The following ROBO1 variants were observed in gnomAD, a reference collection of about 807,000 sequenced individuals.
ROBO1 encodes roundabout guidance receptor 1, also known as roundabout homolog 1.
ROBO1 carries 149 observed loss-of-function variants against 195.9 expected under a neutral mutation model. The ratio of observed to expected loss-of-function variants is 0.76; its 90% CI spans 0.67 to 0.87. ROBO1 has a LOEUF of 0.87. ROBO1 is among the 40% of genes least tolerant of loss of function. The probability of loss-of-function intolerance (pLI) is 0.00; values close to 1 mark genes in which losing one functional copy is unlikely to be tolerated. For synonymous variants in ROBO1, 816 were observed against 733.2 expected (o/e 1.11, Z -1.82); for missense variants, 1,933 against 2,068.3 (o/e 0.93, Z 1.27).
chr3:79,076,584 G>C (rs939796352), intron 3 of ROBO1, among the ~76,000 whole-genome samples: 5 of 151,400 alleles, frequency 3.3e-5, no homozygotes, highest in Admixed American at 1.3e-4. Flanking sequence ...ATTTTTCAGG[G>C]GATTTATTGA....
intron 2 of ROBO1, among the ~76,000 whole-genome samples, chr3:79,173,631 C>T (rs1376327464): frequency 2.0e-5 from 3 of 152,084 alleles, no homozygotes; most frequent in Non-Finnish European, 2.9e-5. Context: ...CGGCTCAGCC[C>T]GAGCCTCCCG....
At chr3:78,727,090 T>G (rs1233518125) in intron 5 of ROBO1, among the ~76,000 whole-genome samples, 2 of 152,172 alleles carry the variant, frequency 1.3e-5, no homozygotes, top group Non-Finnish European at 2.9e-5. Flanking sequence ...AAAATAATCA[T>G]GCTTTATTGC....
chr3:79,044,704 T>C (rs2078556278), intron 3 of ROBO1, among the ~76,000 whole-genome samples: 1 of 152,088 alleles, frequency 6.6e-6, no homozygotes, highest in Non-Finnish European at 1.5e-5. Context: ...AGTCAGCTTT[T>C]TTTAAAAAAA....
intron 2 of ROBO1, among the ~76,000 whole-genome samples, chr3:79,427,270 G>A (rs1431006362): frequency 6.6e-6 from 1 of 152,150 alleles, no homozygotes; most frequent in African/African-American, 2.4e-5. Context: ...ATTTTTTCAA[G>A]TACTTGGATG....
chr3:79,288,555 T>G (rs1038604538), intron 2 of ROBO1, among the ~76,000 whole-genome samples: 4 of 152,202 alleles, frequency 2.6e-5, no homozygotes, highest in African/African-American at 9.6e-5. Context: ...GTTTGCCCAG[T>G]TGCAATCTTG....
At chr3:79,119,714 A>G (rs914580452) in intron 3 of ROBO1, among the ~76,000 whole-genome samples, 1 of 152,144 alleles carries the variant, frequency 6.6e-6, no homozygotes, top group Non-Finnish European at 1.5e-5. Flanking sequence ...ATAAGGTTAT[A>G]AAGAGAAGCT....
intron 2 of ROBO1, among the ~76,000 whole-genome samples, chr3:79,232,917 T>G (rs1385197139): frequency 6.6e-6 from 1 of 152,180 alleles, no homozygotes; most frequent in Middle Eastern, 3.4e-3. Context: ...TAGACTTCAG[T>G]AGAGCATTGA....
At chr3:78,937,990 AGT>A (rs10596981) in intron 4 of ROBO1, 87,012 of 135,272 alleles carry the variant, frequency 0.64, 28,037 homozygotes, top group East Asian at 0.79. Flanking sequence ...AGAGAGAGTG[AGT>A]GTGTGTGTGT....
chr3:79,344,416 G>A (rs1431199079), intron 2 of ROBO1, among the ~76,000 whole-genome samples: 1 of 152,090 alleles, frequency 6.6e-6, no homozygotes, highest in Admixed American at 6.6e-5. Flanking sequence ...AGAACGATTG[G>A]CCAGCATGTC....
At chr3:79,658,119 T>G (rs964352857) in intron 1 of ROBO1, among the ~76,000 whole-genome samples, 4 of 152,106 alleles carry the variant, frequency 2.6e-5, no homozygotes, top group African/African-American at 9.6e-5. Context: ...TTTCTTTGAT[T>G]GAAAAGGAAA....
At chr3:79,086,112 G>GT (rs35422051) in intron 3 of ROBO1, among the ~76,000 whole-genome samples, 552 of 142,418 alleles carry the variant, frequency 3.9e-3, no homozygotes, top group Admixed American at 5.2e-3. Flanking sequence ...AACAAATGGA[G>GT]TTTTTTTTTT....
intron 2 of ROBO1, among the ~76,000 whole-genome samples, chr3:79,509,083 A>G (rs1940561338): frequency 6.6e-6 from 1 of 152,184 alleles, no homozygotes; most frequent in African/African-American, 2.4e-5. Context: ...GTAGGAGCAC[A>G]TAGTTAATTT....
At chr3:79,109,511 G>A (rs191513135) in intron 3 of ROBO1, among the ~76,000 whole-genome samples, 2 of 151,754 alleles carry the variant, frequency 1.3e-5, no homozygotes, top group East Asian at 3.9e-4. Context: ...TTTCCTCATT[G>A]CTTTCTACTT....
At chr3:79,575,920 C>T (rs568303826) in intron 2 of ROBO1, among the ~76,000 whole-genome samples, 80 of 152,040 alleles carry the variant, frequency 5.3e-4, no homozygotes, top group African/African-American at 1.9e-3. Flanking sequence ...GTAGAACCAA[C>T]AGTTGTAACC....
chr3:79,282,005 T>C (rs1576917989), intron 2 of ROBO1, among the ~76,000 whole-genome samples: 1 of 152,154 alleles, frequency 6.6e-6, no homozygotes, highest in Non-Finnish European at 1.5e-5. Flanking sequence ...TGACCCTAAA[T>C]TAGTGCTGGA....
At chr3:78,746,602 T>TA (rs1458968130) in intron 5 of ROBO1, 141 bp downstream of exon 5, 1 of 597,270 alleles carries the variant, frequency 1.7e-6, no homozygotes, top group Non-Finnish European at 2.5e-6. Flanking sequence ...GAAATATATA[T>TA]TTTTTAAAAG....
chr3:79,436,847 G>T (rs1359371462), intron 2 of ROBO1, among the ~76,000 whole-genome samples: 1 of 151,918 alleles, frequency 6.6e-6, no homozygotes, highest in Non-Finnish European at 1.5e-5. Context: ...TAGCTTTTCG[G>T]GTTACAGAAA....
intron 2 of ROBO1, among the ~76,000 whole-genome samples, chr3:79,528,403 C>T (rs1039812456): frequency 3.9e-5 from 6 of 152,106 alleles, no homozygotes; most frequent in African/African-American, 1.4e-4. Context: ...ACTCATTTTC[C>T]TGGCAATCTA....
chr3:79,304,195 A>G (rs1362112467), intron 2 of ROBO1, among the ~76,000 whole-genome samples: 1 of 152,224 alleles, frequency 6.6e-6, no homozygotes, highest in Non-Finnish European at 1.5e-5. Context: ...GTGTAATTTT[A>G]TTCTATCCAT....
Sources: allele counts gnomAD v4.1 joint callset (sites outside exome capture counted in the v4.1 genomes callset), GRCh38; gene constraint gnomAD v4.1.1; transcripts MANE v1.5; gene names NCBI Gene and HGNC (gene_info 2026-07-23, HGNC 2026-07-21).